Variants in TGM4 observed in about 807,000 individuals in gnomAD.
TGM4 encodes the protein transglutaminase 4.
TGM4 carries 61 observed loss-of-function variants against 76.3 expected under a neutral mutation model. The observed-to-expected ratio is 0.80, with a 90% confidence interval of 0.65 to 0.99. TGM4 has a LOEUF of 0.99. Ranked by LOEUF, TGM4 falls within the 50% of genes least tolerant of loss-of-function variation. The pLI, the probability that TGM4 is intolerant of heterozygous loss-of-function variation, is 0.00. For missense variants in TGM4, 794 were observed against 843.2 expected (o/e 0.94, Z 0.72); for synonymous variants, 337 against 329.8 (o/e 1.02, Z -0.24).
intron 9 of TGM4, 120 bp from the exon 10 acceptor site, chr3:44,906,829 T>C: frequency 7.2e-7 from 1 of 1,395,272 alleles, no homozygotes; most frequent in Non-Finnish European, 9.8e-7. Context: ...ACCCAGATGC[T>C]TCTTGGGCAA....
chr3:44,890,853 A>G, intron 4 of TGM4, 121 bp downstream of exon 4: 1 of 1,290,804 alleles, frequency 7.7e-7, no homozygotes, highest in Admixed American at 2.2e-5. Flanking sequence ...AGTTTAAGGG[A>G]TGTGACCCAG....
In TGM4 at chr3:44,911,146, A is replaced by G; in HGVS notation, c.1776+19A>G. ...TATAGAGGTGAGCTTCCTGCAGGCC[A>G]TAAAGGGCTCCTTCTGCCTGGAAGT... On this transcript the variant is annotated intron_variant, in intron 12 of 13. Transcript: ENST00000296125. 1 of 1,612,254 alleles carries G rather than the reference A, an allele frequency of 6.2e-7. No individual in the cohort carries two copies. Among genetic ancestry groups the G allele is most frequent in the Non-Finnish European group, 8.5e-7 (1 of 1,178,462 alleles).
At chr3:44,886,859 C>T (rs1442849114) in intron 2 of TGM4, among the ~76,000 whole-genome samples, 1 of 152,172 alleles carries the variant, frequency 6.6e-6, no homozygotes, top group Non-Finnish European at 1.5e-5. Flanking sequence ...GATGAAGAAA[C>T]CAAAAACAAG....
intron 1 of TGM4, among the ~76,000 whole-genome samples, chr3:44,878,467 A>T (rs1173247302): frequency 6.3e-5 from 9 of 142,530 alleles, no homozygotes; most frequent in South Asian, 4.4e-4. Flanking sequence ...TATTATTATT[A>T]TTATTATTAT....
chr3:44,897,283 C>T (rs1428590768), intron 6 of TGM4, among the ~76,000 whole-genome samples: 5 of 152,170 alleles, frequency 3.3e-5, no homozygotes, highest in Non-Finnish European at 4.4e-5. Flanking sequence ...GGATTACAGG[C>T]GTGGGCCACC....
chr3:44,900,258 G>T (rs1467969025), intron 6 of TGM4, among the ~76,000 whole-genome samples: 1 of 152,234 alleles, frequency 6.6e-6, no homozygotes, highest in African/African-American at 2.4e-5. Context: ...CCGGACCAGG[G>T]CAGTGGCTGG....
At chr3:44,891,836 A>C (rs927900155) in intron 4 of TGM4, among the ~76,000 whole-genome samples, 35 of 151,672 alleles carry the variant, frequency 2.3e-4, no homozygotes, top group Non-Finnish European at 4.1e-4. Flanking sequence ...TTAGCCGGGC[A>C]TGGTGGCGGG....
At chr3:44,895,128 T>C (rs1699762812) in intron 5 of TGM4, among the ~76,000 whole-genome samples, 1 of 151,958 alleles carries the variant, frequency 6.6e-6, no homozygotes, top group African/African-American at 2.4e-5. Context: ...ACCCCGTCTC[T>C]ACTAAAAATA....
Position 44,907,310 on chromosome 3 carries a change from CAAAAAAAAAAAA to C in TGM4, c.1327+122_1327+133del, listed in dbSNP as rs3082589. ...CAACATGGTGAAACCCCATCCCTAC[CAAAAAAAAAAAA>C]AAAAAAAAAAATTAGCTGGGTGTGG... is the stretch of plus-strand genomic sequence containing the variant. On this transcript the variant is annotated intron_variant, in intron 10 of 13. Transcript: ENST00000296125. 17 of 659,268 alleles carry C rather than the reference CAAAAAAAAAAAA, an allele frequency of 2.6e-5. No individual in the cohort carries two copies. The East Asian group carries it at 5.8e-4, about 23-fold the overall frequency. The allele number at this position is 659,268 out of a possible 1,614,324, so 40.8% of individuals were successfully genotyped here.
chr3:44,892,670 C>A (rs539234289), intron 4 of TGM4, among the ~76,000 whole-genome samples: 2 of 152,146 alleles, frequency 1.3e-5, no homozygotes, highest in Non-Finnish European at 2.9e-5. Context: ...CGCACCCAGC[C>A]GGTCACTTGA....
chr3:44,903,763 C>A, intron 8 of TGM4, 121 bp from the exon 9 acceptor site: 1 of 914,314 alleles, frequency 1.1e-6, no homozygotes. Flanking sequence ...GGTTCCCAAA[C>A]CCCTGAGAAC....
chr3:44,901,982 C>T, intron 8 of TGM4, 51 bp downstream of exon 8: 1 of 1,584,978 alleles, frequency 6.3e-7, no homozygotes, highest in Non-Finnish European at 8.6e-7. Context: ...CAGGAATTTT[C>T]TTTTTTCTTT....
In TGM4 at chr3:44,913,634, T is replaced by C. The variant is rs1700039140; in HGVS notation, c.1964T>C (p.Ile655Thr). The C allele has an allele frequency of 6.2e-7, 1 of 1,614,114 alleles. No individual in the cohort carries two copies. The highest frequency in any genetic ancestry group is 8.5e-7 in the Non-Finnish European group (1 of 1,180,008). The change falls in exon 14 of 14, where the codon ATA becomes ACA. Residue 655 changes from isoleucine (I) to threonine (T), a missense_variant. Physicochemically the swap from Ile to Thr is moderately conservative, Grantham distance 89. Transcript: ENST00000296125. ...CAATCCCAAATAAAATGCACCCCAA[T>C]AAAAACTGGACCCAAGAAATTTATC... is the stretch of plus-strand genomic sequence containing the variant. ...TIQSQIKCTP[I>T]KTGPKKFIVK...
chr3:44,897,182 T>G (rs972740938), intron 6 of TGM4, among the ~76,000 whole-genome samples: 23 of 151,850 alleles, frequency 1.5e-4, no homozygotes, highest in Admixed American at 7.9e-4. Flanking sequence ...TTTTTTGTAT[T>G]TTTAGTAGAG....
chr3:44,896,965 T>C (rs1403486491), intron 6 of TGM4, 149 bp downstream of exon 6: 1 of 567,004 alleles, frequency 1.8e-6, no homozygotes, highest in Non-Finnish European at 3.1e-6. Context: ...GAAATAGACA[T>C]TGCTGAAATC....
rs561508711 is a variant in TGM4, at chr3:44,880,150, C to T, written c.20-5175C>T. Among the ~76,000 whole-genome samples the T allele has an allele frequency of 5.9e-5, 9 of 152,198 alleles. No individual in the cohort carries two copies. The East Asian group carries it at 1.5e-3, about 26-fold the overall frequency. On this transcript the variant is annotated intron_variant, in intron 1 of 13. Transcript: ENST00000296125. ...TCTGTATATTATCTGATTTCTTGGA[C>T]GAATACTTGTGTGGTTTCTGCTGAA...
At chr3:44,891,847 C>T (rs184836486) in intron 4 of TGM4, among the ~76,000 whole-genome samples, 2,456 of 151,664 alleles carry the variant, frequency 0.016, 35 homozygotes, top group Non-Finnish European at 0.027. Context: ...TGGTGGCGGG[C>T]GCCTATATTC....
Position 44,910,239 on chromosome 3 carries a change from A to T in TGM4, c.1477A>T (p.Ile493Phe), listed in dbSNP as rs770249819. ...LLGNSVNFTV[I>F]LKRKTAALQN... ...GGGAAACTCTGTTAATTTCACCGTG[A>T]TTCTTAAAAGGAAGACCGCTGCCCT... is the stretch of plus-strand genomic sequence containing the variant. Residue 493 changes from isoleucine (I) to phenylalanine (F), a missense_variant, in exon 11 of 14, where the codon ATT (isoleucine) becomes TTT (phenylalanine). Coordinates refer to ENST00000296125, the MANE Select transcript of TGM4 (RefSeq NM_003241.4). 8.7e-5 allele frequency: 141 copies of T among 1,614,096 alleles called. 1 individual carries two copies. In the East Asian group the frequency reaches 2.6e-3, roughly 29 times the overall value.
At chr3:44,875,212 A>G (rs770919942) in intron 1 of TGM4, among the ~76,000 whole-genome samples, 27 of 152,354 alleles carry the variant, frequency 1.8e-4, no homozygotes, top group Non-Finnish European at 3.4e-4. Flanking sequence ...AACTGTCCCA[A>G]TAATGTCATT....
Sources: allele counts gnomAD v4.1 joint callset (sites outside exome capture counted in the v4.1 genomes callset), GRCh38; gene constraint gnomAD v4.1.1; transcripts MANE v1.5; gene names NCBI Gene and HGNC (gene_info 2026-07-23, HGNC 2026-07-21).